PRKG1: variants seen among roughly 807,000 people sequenced by gnomAD.
PRKG1 encodes cGMP-dependent protein kinase 1.
A neutral mutation model predicts 88.1 loss-of-function variants in PRKG1; 35 were observed. The observed-to-expected ratio is 0.40, with a 90% CI of 0.30 to 0.53. PRKG1 has a LOEUF of 0.53. Ranked by LOEUF, PRKG1 falls within the 20% of genes least tolerant of loss-of-function variation. The pLI is 0.59. For synonymous variants in PRKG1, 303 were observed against 292.5 expected, an observed-to-expected ratio of 1.04 and a Z score of -0.37; for missense variants, 540 against 839.8, an observed-to-expected ratio of 0.64 and a Z score of 4.41.
intron 3 of PRKG1, among the ~76,000 whole-genome samples, chr10:51,607,837 T>TA (rs972816538): frequency 1.3e-5 from 2 of 151,870 alleles, no homozygotes; most frequent in African/African-American, 2.4e-5. Flanking sequence ...GATATTTGAT[T>TA]AAAAAAAAGA....
chr10:50,991,247 C>A lies in PRKG1; in HGVS notation c.-132C>A. The A allele has an allele frequency of 7.5e-7, 1 of 1,327,716 alleles. No homozygotes were observed. The highest frequency in any genetic ancestry group is 1.6e-5 in the South Asian group (1 of 63,838). 82.2% of individuals were successfully genotyped at this position (1,327,716 alleles called of 1,614,324 possible). A position where few individuals can be genotyped will look rare whatever the true frequency, so the allele number is the denominator to read the frequency against. ...GCCGCATTAGGGGCGCACTCCGCCG[C>A]GCTCGAGTACTTAGCGCCCATTCAC... On this transcript the variant is annotated 5_prime_UTR_variant, in exon 1 of 18. Transcript: ENST00000401604. The surrounding 1 kb of genome is among the most constrained non-coding windows in gnomAD (Gnocchi z 4.5).
intron 2 of PRKG1, among the ~76,000 whole-genome samples, chr10:51,182,943 T>C (rs1040709277): frequency 1.3e-5 from 2 of 152,024 alleles, no homozygotes; most frequent in African/African-American, 4.8e-5. Flanking sequence ...CCAATTTCAG[T>C]GGGAAAAAAG....
intron 2 of PRKG1, among the ~76,000 whole-genome samples, chr10:51,432,670 C>T (rs1051693150): frequency 6.6e-6 from 1 of 150,870 alleles, no homozygotes; most frequent in Non-Finnish European, 1.5e-5. Context: ...GTCATTTGTA[C>T]CTTAGGGTGT....
chr10:50,992,220 C>T (rs376250983), intron 1 of PRKG1, among the ~76,000 whole-genome samples: 1 of 151,710 alleles, frequency 6.6e-6, no homozygotes, highest in Non-Finnish European at 1.5e-5. Flanking sequence ...GGGACAGGGG[C>T]TTGTCTCTAG....
intron 3 of PRKG1, among the ~76,000 whole-genome samples, chr10:51,727,300 AT>A (rs1256413515): frequency 6.9e-6 from 1 of 144,828 alleles, no homozygotes. Flanking sequence ...ATATATATAT[AT>A]TTTTTTTACT....
chr10:52,161,185 T>C (rs1184797261), intron 8 of PRKG1, among the ~76,000 whole-genome samples: 1 of 152,056 alleles, frequency 6.6e-6, no homozygotes, highest in Non-Finnish European at 1.5e-5. Context: ...ACAATTTTAG[T>C]GACACAATTG....
chr10:51,439,012 T>TAAA lies in PRKG1; in HGVS notation c.479-28704_479-28702dup, dbSNP rs143701501. Among the ~76,000 whole-genome samples, 1,297 of 150,206 alleles carry TAAA rather than the reference T, an allele frequency of 8.6e-3. 14 individuals carry two copies. Among genetic ancestry groups the TAAA allele is most frequent in the Non-Finnish European group, 0.011 (756 of 67,342 alleles). ...AACAACTAATTGGGATTTTTTTTTT[T>TAAA]AAAAAAAAAGAGAAACCAATCCAAC... On this transcript the variant is annotated intron_variant, in intron 2 of 17. Transcript: ENST00000373980.
At chr10:51,715,347 G>A (rs976587227) in intron 3 of PRKG1, among the ~76,000 whole-genome samples, 2 of 152,046 alleles carry the variant, frequency 1.3e-5, no homozygotes, top group African/African-American at 4.8e-5. Context: ...AATCTCTATA[G>A]GAACTCAATA....
At chr10:51,509,802 A>T (rs1841338099) in intron 3 of PRKG1, among the ~76,000 whole-genome samples, 1 of 152,210 alleles carries the variant, frequency 6.6e-6, no homozygotes. Context: ...ACAGGTGCAC[A>T]TGACTGAACA....
At chr10:52,280,741 A>T in intron 12 of PRKG1, 48 bp from the exon 13 acceptor site, 1 of 1,578,026 alleles carries the variant, frequency 6.3e-7, no homozygotes, top group Non-Finnish European at 8.6e-7. Context: ...AAGCCATATT[A>T]CAGAAATTAA....
chr10:51,625,111 C>A (rs1400764974), intron 3 of PRKG1, among the ~76,000 whole-genome samples: 1 of 151,930 alleles, frequency 6.6e-6, no homozygotes, highest in African/African-American at 2.4e-5. Flanking sequence ...TGGTAATTAC[C>A]CTGCTTTGAT....
chr10:51,362,255 C>T (rs2132589160), intron 2 of PRKG1, among the ~76,000 whole-genome samples: 1 of 151,844 alleles, frequency 6.6e-6, no homozygotes, highest in South Asian at 2.1e-4. Flanking sequence ...CAGTCTCAGC[C>T]TCCTAAGTTA....
intron 5 of PRKG1, among the ~76,000 whole-genome samples, chr10:51,968,775 A>G (rs1843632311): frequency 1.3e-5 from 2 of 150,628 alleles, no homozygotes; most frequent in South Asian, 4.2e-4. Context: ...GTGAGCCAAG[A>G]TCATGCCACT....
intron 1 of PRKG1, among the ~76,000 whole-genome samples, chr10:50,996,066 CAATT>C (rs1464053195): frequency 2.0e-5 from 3 of 152,098 alleles, no homozygotes; most frequent in Non-Finnish European, 2.9e-5. Context: ...GGTCCAGAGT[CAATT>C]ATTTATTAAC....
intron 4 of PRKG1, among the ~76,000 whole-genome samples, chr10:51,823,035 G>T (rs755929399): frequency 8.6e-5 from 13 of 152,030 alleles, no homozygotes; most frequent in Non-Finnish European, 1.5e-4. Flanking sequence ...GTCTCACAAG[G>T]TTACAGTGGA....
At chr10:51,911,460 G>C (rs1260664305) in intron 5 of PRKG1, among the ~76,000 whole-genome samples, 2 of 152,084 alleles carry the variant, frequency 1.3e-5, no homozygotes, top group African/African-American at 4.8e-5. Context: ...CCAAAGAAAT[G>C]TTTTAGTATT....
At position 51,217,684 on chromosome 10, in the gene PRKG1, T is replaced by TTTTCAA. The variant is rs1478682776; in HGVS notation, c.478+64354_478+64355insTTTCAA. ...GTACTTCTGTTTCTGGCCTTAGTTC[T>TTTTCAA]GGGCTCACACAGATGGCCTTTATAA... On this transcript the variant is annotated intron_variant, in intron 2 of 17. Transcript: ENST00000373980. Among the ~76,000 whole-genome samples, 39 of 152,284 alleles carry TTTTCAA rather than the reference T, an allele frequency of 2.6e-4. No homozygotes were observed. In the East Asian group the frequency reaches 6.0e-3, roughly 23 times the overall value.
intron 3 of PRKG1, among the ~76,000 whole-genome samples, chr10:51,510,805 G>A (rs890199723): frequency 3.4e-5 from 5 of 148,436 alleles, no homozygotes; most frequent in Non-Finnish European, 7.4e-5. Flanking sequence ...GTGCAGTGGT[G>A]CAATCTCGGC....
chr10:51,986,780 C>G (rs1844168570), intron 5 of PRKG1, among the ~76,000 whole-genome samples: 1 of 152,280 alleles, frequency 6.6e-6, no homozygotes, highest in East Asian at 1.9e-4. Flanking sequence ...GATACTGGGA[C>G]TTGCCTGTTG....
Sources: gnomAD v4.1 joint callset for allele counts (sites outside exome capture counted in the v4.1 genomes callset) on GRCh38, gnomAD v4.1.1 for gene constraint, Gnocchi (gnomAD v3.1) non-coding constraint, MANE v1.5 for transcripts, NCBI Gene and HGNC (gene_info 2026-07-23, HGNC 2026-07-21) for gene names.